The following CLVS1 variants were observed in gnomAD, a reference collection of about 807,000 sequenced individuals.
CLVS1 encodes clavesin-1.
CLVS1 carries 10 observed loss-of-function variants against 33.1 expected under a neutral mutation model. The ratio of observed to expected loss-of-function variants is 0.30; its 90% CI spans 0.19 to 0.51. The LOEUF (loss-of-function observed/expected upper bound fraction) is 0.51. Ranked by LOEUF, CLVS1 falls within the 20% of genes least tolerant of loss-of-function variation. The pLI is 0.97. For synonymous variants in CLVS1, 163 were observed against 166.1 expected (o/e 0.98, Z 0.14); for missense variants, 343 against 433.4 (o/e 0.79, Z 1.85).
chr8:61,017,883 C>T, the CLVS1 span, among the ~76,000 whole-genome samples: 15 of 152,228 alleles, frequency 9.9e-5, no homozygotes, highest in African/African-American at 3.4e-4. Context: ...CTGGGCCTGA[C>T]ATTCTATGAA....
At chr8:61,308,010 G>T (rs1810691544) in intron 2 of CLVS1, among the ~76,000 whole-genome samples, 1 of 152,084 alleles carries the variant, frequency 6.6e-6, no homozygotes. Context: ...TTTTCCTTTG[G>T]CTTCAGGCTC....
chr8:61,471,766 G>A lies in CLVS1; in HGVS notation c.977+13224G>A, dbSNP rs1010604030. On this transcript the variant is annotated intron_variant, in intron 5 of 5. Transcript: ENST00000325897. ...CCAGTCTGAGCCTGCCCCCTGGCCT[G>A]GAGGACAATTACATTTTTGTTGGGT... Among the ~76,000 whole-genome samples, 5 of 152,280 alleles carry A rather than the reference G, an allele frequency of 3.3e-5. No individual in the cohort carries two copies. The South Asian group carries it at 1.0e-3, about 32-fold the overall frequency.
chr8:61,494,097 A>T (rs534940592), intron 5 of CLVS1, among the ~76,000 whole-genome samples: 1 of 152,242 alleles, frequency 6.6e-6, no homozygotes, highest in Non-Finnish European at 1.5e-5. Context: ...CTCTCAGTCC[A>T]GTTGTAGGTC....
intron 2 of CLVS1, among the ~76,000 whole-genome samples, chr8:61,166,873 A>AT (rs76306330): frequency 0.26 from 37,678 of 146,328 alleles, 5,158 homozygotes; most frequent in African/African-American, 0.32. Flanking sequence ...TTAGGTCATA[A>AT]TTTTTTTCTT....
At chr8:61,014,368 G>A in the CLVS1 span, among the ~76,000 whole-genome samples, 1 of 152,176 alleles carries the variant, frequency 6.6e-6, no homozygotes, top group Admixed American at 6.5e-5. Flanking sequence ...TCGGAAGCCT[G>A]AGTTGATGGG....
At chr8:61,082,141 TA>T (rs11412947) in intron 1 of CLVS1, among the ~76,000 whole-genome samples, 9 of 150,970 alleles carry the variant, frequency 6.0e-5, no homozygotes, top group African/African-American at 1.7e-4. Context: ...ATACTAGCAA[TA>T]AAAAAAAATT....
chr8:61,288,235 G>A (rs1298886599), intron 1 of CLVS1, 97 bp downstream of exon 1: 3 of 456,288 alleles, frequency 6.6e-6, no homozygotes, highest in East Asian at 6.9e-5. Flanking sequence ...CAGCACTTCG[G>A]TATGTGGACA....
intron 2 of CLVS1, among the ~76,000 whole-genome samples, chr8:61,156,599 A>C (rs1420660939): frequency 6.6e-6 from 1 of 152,142 alleles, no homozygotes; most frequent in African/African-American, 2.4e-5. Flanking sequence ...CTTTTCCATT[A>C]CCAAGCACTC....
At chr8:61,256,271 T>C (rs1435879405) in intron 2 of CLVS1, among the ~76,000 whole-genome samples, 1 of 152,186 alleles carries the variant, frequency 6.6e-6, no homozygotes, top group Non-Finnish European at 1.5e-5. Flanking sequence ...TCCCAGCACC[T>C]TGGGAGGCCG....
At chr8:61,138,732 A>G (rs1469029239) in intron 2 of CLVS1, among the ~76,000 whole-genome samples, 1 of 152,118 alleles carries the variant, frequency 6.6e-6, no homozygotes, top group African/African-American at 2.4e-5. Context: ...GGAGAGCAGC[A>G]GGCTCCCAGG....
intron 1 of CLVS1, among the ~76,000 whole-genome samples, chr8:61,118,431 C>CT: frequency 1.3e-5 from 1 of 78,010 alleles, no homozygotes. Context: ...AATGTGTTTG[C>CT]TCTGCTTTTC....
chr8:61,306,519 G>A (rs1308115052), intron 2 of CLVS1, among the ~76,000 whole-genome samples: 1 of 152,162 alleles, frequency 6.6e-6, no homozygotes, highest in East Asian at 1.9e-4. Flanking sequence ...TTCTTTTGCT[G>A]TATACCACAT....
chr8:61,395,464 CCACA>C (rs1478831985), intron 3 of CLVS1, among the ~76,000 whole-genome samples: 1 of 152,000 alleles, frequency 6.6e-6, no homozygotes, highest in African/African-American at 2.4e-5. Context: ...AACATTCTCA[CCACA>C]CACACACAAA....
intron 3 of CLVS1, among the ~76,000 whole-genome samples, chr8:61,384,109 T>G (rs28545010): frequency 0.046 from 6,965 of 152,272 alleles, 330 homozygotes; most frequent in African/African-American, 0.12. Context: ...TAAGTGAAGA[T>G]GCAAGAAGTG....
At chr8:61,476,420 T>A (rs1220464100) in intron 5 of CLVS1, among the ~76,000 whole-genome samples, 3 of 152,346 alleles carry the variant, frequency 2.0e-5, no homozygotes, top group African/African-American at 7.2e-5. Flanking sequence ...TGATTCTTCC[T>A]ACCCATGAGC....
chr8:61,139,173 A>G (rs1341212993), intron 2 of CLVS1, among the ~76,000 whole-genome samples: 1 of 152,154 alleles, frequency 6.6e-6, no homozygotes, highest in African/African-American at 2.4e-5. Flanking sequence ...TGAGGGGCTC[A>G]TCGCCTGGCG....
chr8:61,253,616 AT>A (rs1809000514), intron 2 of CLVS1, among the ~76,000 whole-genome samples: 1 of 152,024 alleles, frequency 6.6e-6, no homozygotes, highest in Admixed American at 6.6e-5. Context: ...GGCTTTGTTC[AT>A]TTCTTTTTAT....
chr8:60,981,635 TC>T, the CLVS1 span, among the ~76,000 whole-genome samples: 1 of 152,346 alleles, frequency 6.6e-6, no homozygotes, highest in East Asian at 1.9e-4. Context: ...GTGGCTAAGA[TC>T]TGGGGTTTGC....
In CLVS1 at chr8:61,441,744, T is replaced by C. The variant is rs541577742; in HGVS notation, c.631-12397T>C. On this transcript the variant is annotated intron_variant, in intron 3 of 5. Transcript: ENST00000325897. ...ATATTATGTTGCTCCTGAACTCTGA[T>C]TGAACACAAAACAAGGCAGTTGAGT... Among the ~76,000 whole-genome samples the C allele has an allele frequency of 5.4e-4, 82 of 152,304 alleles. 1 individual carries two copies. The highest frequency in any genetic ancestry group is 1.9e-3 in the African/African-American group (81 of 41,560).
Sources: allele counts gnomAD v4.1 joint callset (sites outside exome capture counted in the v4.1 genomes callset), GRCh38; gene constraint gnomAD v4.1.1; transcripts MANE v1.5; gene names NCBI Gene and HGNC (gene_info 2026-07-23, HGNC 2026-07-21).